The following DNAH14 variants were observed in gnomAD, a reference collection of about 807,000 sequenced individuals.
The protein encoded by DNAH14 is axonemal beta dynein heavy chain 14.
In DNAH14, 478 loss-of-function variants were observed where a neutral mutation model predicts 520.9. The ratio of observed to expected loss-of-function variants is 0.92; its 90% CI spans 0.85 to 0.99. The LOEUF is 0.99. Ranked by LOEUF, DNAH14 falls within the 50% of genes least tolerant of loss-of-function variation. DNAH14 has a pLI of 0.00. For missense variants in DNAH14, 4,831 were observed against 5,234.5 expected, an observed-to-expected ratio of 0.92 and a Z score of 2.38; for synonymous variants, 1,581 against 1,757.2, an observed-to-expected ratio of 0.90 and a Z score of 2.51.
At chr1:225,224,173 C>T (rs11487470) in intron 41 of DNAH14, among the ~76,000 whole-genome samples, 2,552 of 152,002 alleles carry the variant, frequency 0.017, 59 homozygotes, top group East Asian at 0.053. Flanking sequence ...TGATAAGTTA[C>T]GAATCCTGTT....
chr1:225,204,318 A>C, intron 39 of DNAH14, 45 bp downstream of exon 39: 1 of 1,131,850 alleles, frequency 8.8e-7, no homozygotes, highest in Non-Finnish European at 1.2e-6. Context: ...ATAGAAGACA[A>C]ACTCTCAACC....
chr1:225,067,993 T>C (rs112138802), intron 17 of DNAH14, among the ~76,000 whole-genome samples: 8,176 of 152,250 alleles, frequency 0.054, 326 homozygotes, highest in Non-Finnish European at 0.078. Flanking sequence ...TGCAATTGCT[T>C]TTGGCATCTT....
intron 62 of DNAH14, among the ~76,000 whole-genome samples, chr1:225,323,471 TTTTG>T (rs1367152373): frequency 1.5e-5 from 2 of 130,304 alleles, no homozygotes; most frequent in African/African-American, 5.0e-5. Flanking sequence ...TTGTTTTGTT[TTTTG>T]TTTTTTGTTT....
At chr1:224,975,417 C>T (rs2061752938) in intron 8 of DNAH14, among the ~76,000 whole-genome samples, 1 of 151,990 alleles carries the variant, frequency 6.6e-6, no homozygotes. Context: ...TGTTATTGGT[C>T]TATTCAGAGA....
At chr1:225,364,960 C>T (rs2095535201) in intron 76 of DNAH14, 66 bp downstream of exon 76, 1 of 1,114,384 alleles carries the variant, frequency 9.0e-7, no homozygotes, top group African/African-American at 1.6e-5. Flanking sequence ...AGTCATCTTA[C>T]ATTCAAAACT....
At chr1:225,318,799 G>A in intron 61 of DNAH14, 122 bp downstream of exon 61, 1 of 963,088 alleles carries the variant, frequency 1.0e-6, no homozygotes, top group Non-Finnish European at 1.5e-6. Flanking sequence ...TCTTAATCTT[G>A]GTTTAAGATT....
At chr1:225,291,012 CCCTA>C (rs2093876511) in intron 55 of DNAH14, among the ~76,000 whole-genome samples, 1 of 151,936 alleles carries the variant, frequency 6.6e-6, no homozygotes, top group Non-Finnish European at 1.5e-5. Flanking sequence ...AAAAATCCCT[CCCTA>C]TCCTTCTCTC....
chr1:225,106,160 TG>T (rs2076028962), intron 23 of DNAH14, among the ~76,000 whole-genome samples: 1 of 150,748 alleles, frequency 6.6e-6, no homozygotes, highest in Admixed American at 6.6e-5. Context: ...TGGCTGGATA[TG>T]AAATTCTAGG....
At chr1:225,135,125 A>AT (rs1257995250) in intron 27 of DNAH14, among the ~76,000 whole-genome samples, 1 of 151,926 alleles carries the variant, frequency 6.6e-6, no homozygotes, top group South Asian at 2.1e-4. Context: ...GGATTTGCTA[A>AT]TTTTTTAAAG....
chr1:225,297,389 T>C (rs2094033554), intron 55 of DNAH14, among the ~76,000 whole-genome samples: 1 of 152,194 alleles, frequency 6.6e-6, no homozygotes, highest in African/African-American at 2.4e-5. Context: ...AACCTGTTAC[T>C]GGTGAGCTAT....
intron 8 of DNAH14, among the ~76,000 whole-genome samples, chr1:224,990,307 A>G (rs2062950993): frequency 1.3e-5 from 2 of 152,278 alleles, no homozygotes; most frequent in Middle Eastern, 3.4e-3. Context: ...AAACACTTAT[A>G]TTTTTGGGTG....
intron 49 of DNAH14, among the ~76,000 whole-genome samples, chr1:225,267,030 G>A (rs1006866486): frequency 6.6e-6 from 1 of 152,038 alleles, no homozygotes; most frequent in Non-Finnish European, 1.5e-5. Flanking sequence ...TGGTTTCTGA[G>A]TCAAATAATG....
intron 31 of DNAH14, among the ~76,000 whole-genome samples, chr1:225,147,755 T>C (rs1559103552): frequency 6.6e-6 from 1 of 152,102 alleles, no homozygotes; most frequent in Admixed American, 6.6e-5. Context: ...CTAGTATCCA[T>C]TAGTAAATTT....
chr1:224,938,694 A>T (rs1035203152), intron 1 of DNAH14, among the ~76,000 whole-genome samples: 3 of 152,242 alleles, frequency 2.0e-5, no homozygotes, highest in South Asian at 4.1e-4. Context: ...TACTGATTAT[A>T]TATCCAAAAG....
In DNAH14 at chr1:225,232,278, T is replaced by TAC. The variant is rs200880149; in HGVS notation, c.6518+1128_6518+1129insCA. ...ATATATATAAACTGTGATATATATA[T>TAC]ATACACACACACACACACACACGTG... On this transcript the variant is annotated intron_variant, in intron 42 of 85. Transcript: ENST00000682510. The surrounding 1 kb of genome is among the most constrained non-coding windows in gnomAD (Gnocchi z 4.2). 3.7e-5 allele frequency among the ~76,000 whole-genome samples: 5 copies of TAC among 133,838 alleles called. No homozygotes were observed. Among genetic ancestry groups the TAC allele is most frequent in the African/African-American group, 1.2e-4 (4 of 33,430 alleles). 87.8% of individuals were successfully genotyped at this position (133,838 alleles called of 152,430 possible). A position where few individuals can be genotyped will look rare whatever the true frequency, so the allele number is the denominator to read the frequency against.
At chr1:225,066,729 A>G (rs997887852) in intron 17 of DNAH14, among the ~76,000 whole-genome samples, 1 of 151,874 alleles carries the variant, frequency 6.6e-6, no homozygotes, top group Non-Finnish European at 1.5e-5. Context: ...GCTCCCACTT[A>G]TAAGTGAGAA....
chr1:225,278,488 G>T (rs184926912), intron 54 of DNAH14, among the ~76,000 whole-genome samples: 3 of 152,034 alleles, frequency 2.0e-5, no homozygotes, highest in Non-Finnish European at 4.4e-5. Context: ...GTTCCCTAAC[G>T]CACCTCTTTT....
chr1:224,965,700 T>A (rs754980555), intron 5 of DNAH14, among the ~76,000 whole-genome samples: 24 of 152,232 alleles, frequency 1.6e-4, no homozygotes, highest in South Asian at 4.1e-4. Context: ...ACCTATACAC[T>A]CACCATATTA....
intron 41 of DNAH14, among the ~76,000 whole-genome samples, chr1:225,207,531 G>A (rs1325357011): frequency 6.6e-6 from 1 of 152,138 alleles, no homozygotes; most frequent in Non-Finnish European, 1.5e-5. Context: ...AGTGAAAAAA[G>A]CCTGTTCAGA....
Sources: gnomAD v4.1 joint callset for allele counts (sites outside exome capture counted in the v4.1 genomes callset) on GRCh38, gnomAD v4.1.1 for gene constraint, Gnocchi (gnomAD v3.1) non-coding constraint, MANE v1.5 for transcripts, NCBI Gene and HGNC (gene_info 2026-07-23, HGNC 2026-07-21) for gene names.